CAST: variants seen among roughly 807,000 people sequenced by gnomAD.
CAST encodes the protein MIR583 host.
Under a neutral mutation model 119.6 loss-of-function variants are expected in CAST, and 76 were observed. The observed-to-expected ratio is 0.64, with a 90% CI of 0.53 to 0.77. CAST has a LOEUF of 0.77. Among genes scored for constraint, CAST ranks in the 30% least tolerant of loss-of-function variants. The pLI, the probability that CAST is intolerant of heterozygous loss-of-function variation, is 0.00. For missense variants in CAST, 953 were observed against 946.5 expected (o/e 1.01, Z -0.09); for synonymous variants, 319 against 331.6 (o/e 0.96, Z 0.41).
At chr5:96,301,686 G>A in the CAST span, among the ~76,000 whole-genome samples, 3 of 152,176 alleles carry the variant, frequency 2.0e-5, no homozygotes, top group African/African-American at 7.2e-5. Context: ...AAATCTTAAA[G>A]CTCCAAAATC....
At chr5:96,615,450 G>C (rs1747433874) in intron 1 of CAST, among the ~76,000 whole-genome samples, 1 of 152,222 alleles carries the variant, frequency 6.6e-6, no homozygotes, top group Non-Finnish European at 1.5e-5. Context: ...CTGTCTCCCA[G>C]AGTGTGTTCA....
rs190431151 is a variant in CAST, at chr5:96,551,086, G to A, written c.60+21206G>A. Reference sequence around the variant, plus strand: ...AGAGAACACCACAAAGATACTCCTCGAGGAAAGCAACCCCAAGACACATAA... The same window carrying A: ...AGAGAACACCACAAAGATACTCCTCAAGGAAAGCAACCCCAAGACACATAA... On this transcript the variant is annotated intron_variant, in intron 1 of 11. Transcript: ENST00000505143. 5.5e-4 allele frequency among the ~76,000 whole-genome samples: 83 copies of A among 152,228 alleles called. No homozygotes were observed. The East Asian group carries it at 8.1e-3, about 15-fold the overall frequency.
chr5:96,369,601 G>A, the CAST span, among the ~76,000 whole-genome samples: 40 of 152,214 alleles, frequency 2.6e-4, 1 homozygote, highest in Admixed American at 2.0e-3. Flanking sequence ...GAAGATGATC[G>A]TAGAAGAATA....
chr5:96,182,935 G>A, the CAST span, among the ~76,000 whole-genome samples: 3 of 151,930 alleles, frequency 2.0e-5, no homozygotes, highest in African/African-American at 4.8e-5. Context: ...TCAGGAGATC[G>A]AGACCATCCT....
At chr5:95,965,746 G>C in the CAST span, among the ~76,000 whole-genome samples, 2 of 152,172 alleles carry the variant, frequency 1.3e-5, no homozygotes, top group East Asian at 3.8e-4. Context: ...CTTGCCTTGG[G>C]CACAATTGAA....
the CAST span, among the ~76,000 whole-genome samples, chr5:96,245,590 A>G: frequency 6.6e-6 from 1 of 151,350 alleles, no homozygotes; most frequent in African/African-American, 2.4e-5. Flanking sequence ...CTGTGTGTTC[A>G]GGGCTATCAG....
intron 1 of CAST, among the ~76,000 whole-genome samples, chr5:96,557,283 A>G (rs2150183568): frequency 6.6e-6 from 1 of 152,230 alleles, no homozygotes; most frequent in East Asian, 1.9e-4. Context: ...TATCGATGCT[A>G]GGAAGAAACT....
At chr5:96,392,530 G>C in the CAST span, 15 of 171,698 alleles carry the variant, frequency 8.7e-5, no homozygotes, top group Non-Finnish European at 1.9e-4. Flanking sequence ...TCCTTCATTA[G>C]GCCTACCAAA....
the CAST span, among the ~76,000 whole-genome samples, chr5:96,061,801 CA>C: frequency 8.5e-5 from 13 of 152,106 alleles, no homozygotes; most frequent in South Asian, 8.3e-4. Flanking sequence ...GAGAAGAATA[CA>C]GATGCACACA....
At chr5:96,741,815 C>G (rs950088584) in intron 15 of CAST, 2 of 435,660 alleles carry the variant, frequency 4.6e-6, no homozygotes, top group Non-Finnish European at 8.4e-6. Flanking sequence ...TCATCTAAGA[C>G]CATCTCACCA....
chr5:96,302,948 T>G, the CAST span, among the ~76,000 whole-genome samples: 4 of 152,232 alleles, frequency 2.6e-5, no homozygotes, highest in Non-Finnish European at 5.9e-5. Flanking sequence ...TCAGATCTCT[T>G]TATAGCAATG....
At chr5:96,006,087 T>C in the CAST span, among the ~76,000 whole-genome samples, 1 of 152,224 alleles carries the variant, frequency 6.6e-6, no homozygotes, top group African/African-American at 2.4e-5. Context: ...TAAGTTTAAC[T>C]GGTTGACAGA....
chr5:96,306,545 T>C, the CAST span, among the ~76,000 whole-genome samples: 1 of 152,146 alleles, frequency 6.6e-6, no homozygotes, highest in South Asian at 2.1e-4. Context: ...GATGTTAAGG[T>C]GTTGATTTTA....
the CAST span, among the ~76,000 whole-genome samples, chr5:96,253,928 T>C: frequency 6.6e-6 from 1 of 151,596 alleles, no homozygotes; most frequent in Non-Finnish European, 1.5e-5. Flanking sequence ...TCTAGCATTT[T>C]GTAGGAGAGG....
chr5:95,970,488 C>T, the CAST span, among the ~76,000 whole-genome samples: 1 of 152,156 alleles, frequency 6.6e-6, no homozygotes, highest in Non-Finnish European at 1.5e-5. Flanking sequence ...GTAGTAGCCA[C>T]ATATTGAATA....
chr5:96,132,414 A>G, the CAST span, among the ~76,000 whole-genome samples: 7 of 152,066 alleles, frequency 4.6e-5, no homozygotes, highest in African/African-American at 1.4e-4. Flanking sequence ...TGTTGAGAAT[A>G]TTTCAAATCT....
At chr5:96,439,169 A>C in the CAST span, among the ~76,000 whole-genome samples, 2 of 152,344 alleles carry the variant, frequency 1.3e-5, no homozygotes, top group Admixed American at 1.3e-4. Context: ...GAAGACACTT[A>C]GAGTGTATCT....
chr5:96,077,702 T>C, the CAST span, among the ~76,000 whole-genome samples: 2 of 152,154 alleles, frequency 1.3e-5, no homozygotes, highest in African/African-American at 4.8e-5. Flanking sequence ...TTTCTTGCCA[T>C]GTGATACTGC....
chr5:95,992,729 T>G, the CAST span, among the ~76,000 whole-genome samples: 1 of 152,188 alleles, frequency 6.6e-6, no homozygotes, highest in Non-Finnish European at 1.5e-5. Flanking sequence ...TTTTGACAGA[T>G]GTACCACAGT....
Sources: gnomAD v4.1 joint callset for allele counts (sites outside exome capture counted in the v4.1 genomes callset) on GRCh38, gnomAD v4.1.1 for gene constraint, MANE v1.5 for transcripts, NCBI Gene and HGNC (gene_info 2026-07-23, HGNC 2026-07-21) for gene names.